Variants in KLC1 observed in about 807,000 individuals in gnomAD.
The protein encoded by KLC1 is kinesin 2 60/70kDa.
KLC1 carries 30 observed loss-of-function variants against 84.2 expected under a neutral mutation model. The ratio of observed to expected loss-of-function variants is 0.36; its 90% confidence interval spans 0.27 to 0.48. The LOEUF (loss-of-function observed/expected upper bound fraction) is 0.48. KLC1 is among the 20% of genes least tolerant of loss of function. KLC1 has a pLI of 0.99. For missense variants in KLC1, 499 were observed against 805.4 expected, an observed-to-expected ratio of 0.62 and a Z score of 4.60; for synonymous variants, 289 against 293.3, an observed-to-expected ratio of 0.99 and a Z score of 0.15.
intron 14 of KLC1, among the ~76,000 whole-genome samples, chr14:103,691,706 C>T (rs919985914): frequency 6.6e-6 from 1 of 151,050 alleles, no homozygotes; most frequent in African/African-American, 2.4e-5. Context: ...TGAGCTCAGG[C>T]AGTCTGCCCG....
intron 14 of KLC1, among the ~76,000 whole-genome samples, chr14:103,691,863 C>T (rs1387049499): frequency 1.3e-5 from 2 of 151,832 alleles, no homozygotes; most frequent in Non-Finnish European, 2.9e-5. Context: ...CCTTGACCAC[C>T]TGGGCTCAAG....
chr14:103,649,937 C>T (rs911826075), intron 1 of KLC1, among the ~76,000 whole-genome samples: 4 of 152,246 alleles, frequency 2.6e-5, no homozygotes, highest in Non-Finnish European at 4.4e-5. Context: ...CCTCGTGATC[C>T]GCCCGCCTCC....
chr14:103,633,863 A>T (rs575787605), intron 1 of KLC1, among the ~76,000 whole-genome samples: 20 of 150,568 alleles, frequency 1.3e-4, no homozygotes, highest in African/African-American at 2.7e-4. Context: ...TATTATTATT[A>T]TTTTTTTTTT....
chr14:103,660,953 G>A (rs142877034), intron 3 of KLC1, among the ~76,000 whole-genome samples: 1 of 152,314 alleles, frequency 6.6e-6, no homozygotes, highest in East Asian at 1.9e-4. Flanking sequence ...TAGGATCGGA[G>A]ACTTTTAAAA....
chr14:103,637,055 A>C (rs2077099301), intron 1 of KLC1, among the ~76,000 whole-genome samples: 1 of 148,644 alleles, frequency 6.7e-6, no homozygotes, highest in Non-Finnish European at 1.5e-5. Context: ...TTTTTTTTTC[A>C]GATGGAGTCT....
At chr14:103,647,853 C>T (rs1473063214) in intron 1 of KLC1, among the ~76,000 whole-genome samples, 4 of 144,052 alleles carry the variant, frequency 2.8e-5, no homozygotes, top group African/African-American at 5.1e-5. Context: ...TCCAGCCTGG[C>T]GACAGAGCAA....
In KLC1 at chr14:103,694,943, C is replaced by T. The variant is rs927703050; in HGVS notation, c.1848+2518C>T. The T allele has an allele frequency of 1.0e-6, 1 of 985,402 alleles. No homozygotes were observed. Among genetic ancestry groups the T allele is most frequent in the Non-Finnish European group, 1.2e-6 (1 of 829,920 alleles). The allele number at this position is 985,402 out of a possible 1,614,324, so 61.0% of individuals were successfully genotyped here. ...TTCCACAAGACAAGCTCCGTGTAGT[C>T]GCCAGCGGGTGCCTGGCCCAGGAGC... On this transcript the variant is annotated intron_variant, in intron 15 of 16. Transcript: ENST00000334553. This position sits in a 1 kb window ranked among gnomAD's most constrained non-coding sequence, Gnocchi z 4.5.
At chr14:103,689,436 C>G (rs1276174500) in intron 14 of KLC1, among the ~76,000 whole-genome samples, 1 of 152,224 alleles carries the variant, frequency 6.6e-6, no homozygotes, top group Non-Finnish European at 1.5e-5. Flanking sequence ...CACACACTTG[C>G]ACGGACTAAC....
intron 1 of KLC1, among the ~76,000 whole-genome samples, chr14:103,646,316 C>G (rs1171487541): frequency 6.6e-6 from 1 of 152,154 alleles, no homozygotes; most frequent in East Asian, 1.9e-4. Flanking sequence ...GAACTATTTT[C>G]TGAGACAGTC....
chr14:103,636,008 A>G (rs1021345900), intron 1 of KLC1, among the ~76,000 whole-genome samples: 19 of 152,114 alleles, frequency 1.2e-4, no homozygotes, highest in South Asian at 4.1e-4. Flanking sequence ...CGCCACTTCA[A>G]TTTTTTTCAA....
In KLC1 at chr14:103,669,538, T is replaced by C. The variant is rs2080203086; in HGVS notation, c.825T>C (p.Ala275=). 6.2e-7 allele frequency: 1 copy of C among 1,612,186 alleles called. No homozygotes were observed. Among genetic ancestry groups the C allele is most frequent in the Admixed American group, 1.7e-5 (1 of 59,992 alleles). Residue 275 remains alanine, a synonymous_variant, in exon 6 of 17, where the codon GCT becomes GCC. Transcript: ENST00000334553. ...YRDQNKYKDA[A]NLLNDALAIR... is the part of the protein sequence containing the mutation. ...ATCAGAATAAATACAAAGATGCAGC[T>C]AACCTACTGAATGATGCCTTGGCTA...
chr14:103,692,768 C>T (rs1595578509), intron 15 of KLC1, among the ~76,000 whole-genome samples: 1 of 152,204 alleles, frequency 6.6e-6, no homozygotes, highest in Admixed American at 6.5e-5. Context: ...ATTTTAGCCT[C>T]TACTAAGTTT....
intron 1 of KLC1, among the ~76,000 whole-genome samples, chr14:103,640,537 T>C (rs562138733): frequency 6.6e-6 from 1 of 152,138 alleles, no homozygotes; most frequent in African/African-American, 2.4e-5. Context: ...ATTTTTTGTA[T>C]TTTTGGTAGA....
At chr14:103,681,287 A>G (rs1044996798) in intron 13 of KLC1, among the ~76,000 whole-genome samples, 1 of 152,140 alleles carries the variant, frequency 6.6e-6, no homozygotes, top group African/African-American at 2.4e-5. Context: ...TTGTGCATGG[A>G]GGCAGCCCCC....
Position 103,700,725 on chromosome 14 carries a change from A to G in KLC1, c.1919A>G (p.Ter640=). The G allele has an allele frequency of 6.3e-7, 1 of 1,597,772 alleles. No homozygotes were observed. Among genetic ancestry groups the G allele is most frequent in the Non-Finnish European group, 8.5e-7 (1 of 1,173,234 alleles). Residue 640 remains the stop codon, a splice_region_variant and stop_retained_variant, in exon 16 of 17, where the codon TAA becomes TGA. Coordinates refer to ENST00000334553, the MANE Select transcript of KLC1 (RefSeq NM_001394837.1). Reference sequence around the variant, plus strand: ...CAGTGGCCTGGAAGACGCCACCGCTAACGTGAGTCCCACGGCCTGCAGCCC... The same window carrying G: ...CAGTGGCCTGGAAGACGCCACCGCTGACGTGAGTCCCACGGCCTGCAGCCC... ...QQQWPGRRHR[*] is the part of the protein sequence containing the mutation.
rs1444432618 is a variant in KLC1, at chr14:103,701,415, G to A, written c.*216G>A. On this transcript the variant is annotated 3_prime_UTR_variant, in exon 17 of 17. Coordinates refer to ENST00000334553, the MANE Select transcript of KLC1 (RefSeq NM_001394837.1). The stretch of plus-strand genomic sequence containing the variant: ...GCCTAAGCTGGTGCCCTGGTGCGGC[G>A]TGGTCTCTCCCAGGAGACCTGGGGC... The A allele has an allele frequency of 1.4e-5, 7 of 499,340 alleles. No individual in the cohort carries two copies. Among genetic ancestry groups the A allele is most frequent in the East Asian group, 6.2e-5 (2 of 32,076 alleles). 30.9% of individuals were successfully genotyped at this position (499,340 alleles called of 1,614,324 possible).
chr14:103,631,141 C>G (rs1047822580), intron 1 of KLC1, among the ~76,000 whole-genome samples: 1 of 150,828 alleles, frequency 6.6e-6, no homozygotes. Context: ...AGTGTAGTGG[C>G]GCGATCTCGG....
intron 1 of KLC1, among the ~76,000 whole-genome samples, chr14:103,642,149 C>G (rs549018344): frequency 2.0e-5 from 3 of 152,226 alleles, no homozygotes; most frequent in East Asian, 1.9e-4. Flanking sequence ...AGGCTGGTCT[C>G]GAACTCCTGA....
chr14:103,650,368 G>C (rs2078328280), intron 1 of KLC1, among the ~76,000 whole-genome samples: 1 of 152,104 alleles, frequency 6.6e-6, no homozygotes, highest in South Asian at 2.1e-4. Context: ...CATCTTTATT[G>C]CATGCCCGTG....
Sources: gnomAD v4.1 joint callset for allele counts (sites outside exome capture counted in the v4.1 genomes callset) on GRCh38, gnomAD v4.1.1 for gene constraint, Gnocchi (gnomAD v3.1) non-coding constraint, MANE v1.5 for transcripts, NCBI Gene and HGNC (gene_info 2026-07-23, HGNC 2026-07-21) for gene names.